Variants in ALS2CL observed in about 807,000 individuals in gnomAD.
ALS2CL encodes ALS2 C-terminal-like protein.
A neutral mutation model predicts 127.9 loss-of-function variants in ALS2CL; 112 were observed. That is an observed-to-expected ratio of 0.88 (90% CI 0.75 to 1.02). The LOEUF (loss-of-function observed/expected upper bound fraction) is 1.02, where lower values mean the gene tolerates loss of function less well. ALS2CL is among the 50% of genes least tolerant of loss of function. ALS2CL has a pLI of 0.00. For synonymous variants in ALS2CL, 519 were observed against 527.6 expected, an observed-to-expected ratio of 0.98 and a Z score of 0.22; for missense variants, 1,174 against 1,236.7, an observed-to-expected ratio of 0.95 and a Z score of 0.76.
chr3:46,675,573 G>A (rs759080538), intron 20 of ALS2CL, 45 bp downstream of exon 20: 12 of 1,586,500 alleles, frequency 7.6e-6, no homozygotes, highest in Non-Finnish European at 7.8e-6. Context: ...GACGCATGAG[G>A]CCTCCCTGGA....
In ALS2CL at chr3:46,686,410, G is replaced by A. The variant is rs199717204; in HGVS notation, c.564C>T (p.Asn188=). ...GCAGGTTCCCAAAGAGGGTGACTGC[G>A]TTCACCACCAGCTCCCGGGTTGGGT... ...EHHPTRELVV[N]AVTLFGNLQS... is the part of the protein sequence containing the mutation. Residue 188 remains asparagine, a synonymous_variant, in exon 6 of 26, where the codon AAC becomes AAT. Transcript: ENST00000318962. This position sits in a 1 kb window ranked among gnomAD's most constrained non-coding sequence, Gnocchi z 4.3. 56 of 1,613,526 alleles carry A rather than the reference G, an allele frequency of 3.5e-5. 1 individual carries two copies. The highest frequency in any genetic ancestry group is 4.2e-5 in the Non-Finnish European group (49 of 1,179,866).
intron 1 of ALS2CL, among the ~76,000 whole-genome samples, chr3:46,690,034 A>G (rs7615747): frequency 0.4 from 61,139 of 152,002 alleles, 13,555 homozygotes; most frequent in African/African-American, 0.6. Context: ...AAGAAATGAA[A>G]AGGAAGACAG....
At position 46,676,943 on chromosome 3, in the gene ALS2CL, C is replaced by T. The variant is rs202167266; in HGVS notation, c.1837G>A (p.Gly613Ser). Residue 613 changes from glycine to serine, a missense_variant, in exon 17 of 26, where the codon GGC (glycine) becomes AGC (serine). Transcript: ENST00000318962. ...YSPFRDFVCA[G>S]CPRDLQEALL... is the part of the protein sequence containing the mutation. ...GCCTCCTGCAGGTCCCTGGGGCAGC[C>T]AGCACACACAAAGTCCCGGAAGGGG... 6.2e-7 allele frequency: 1 copy of T among 1,613,728 alleles called. No individual in the cohort carries two copies. The highest frequency in any genetic ancestry group is 1.7e-5 in the Admixed American group (1 of 60,024).
intron 21 of ALS2CL, among the ~76,000 whole-genome samples, chr3:46,673,732 G>A (rs1188126365): frequency 6.6e-6 from 1 of 152,114 alleles, no homozygotes; most frequent in Non-Finnish European, 1.5e-5. Context: ...GGCTGGTGTG[G>A]GGAAGCGACA....
chr3:46,682,064 A>G lies in ALS2CL; in HGVS notation c.1140T>C (p.Asn380=). 1 of 1,613,982 alleles carries G rather than the reference A, an allele frequency of 6.2e-7. No individual in the cohort carries two copies. The highest frequency in any genetic ancestry group is 1.3e-5 in the African/African-American group (1 of 75,032). The change falls in exon 11 of 26, where the codon AAT becomes AAC. Residue 380 remains asparagine (N), a synonymous_variant. Transcript: ENST00000318962. ...KGTLKWPDGR[N]HVGNFCQGLE... ...GGCCCTGGCAGAAATTCCCCACGTG[A>G]TTCCGCCCATCCGGCCATTTCAGGG...
In ALS2CL at chr3:46,678,253, A is replaced by T. The variant is rs771142358; in HGVS notation, c.1757+6T>A. ...AGGCCCAGAGCCAGAGGGGCCAGGCACTCACCTCTTGCAGGTACTGCTCGG... is the reference window on the plus strand; with the variant it reads ...AGGCCCAGAGCCAGAGGGGCCAGGCTCTCACCTCTTGCAGGTACTGCTCGG... On this transcript the variant is annotated splice_donor_region_variant and intron_variant, in intron 16 of 25. Coordinates refer to ENST00000318962, the MANE Select transcript of ALS2CL (RefSeq NM_147129.5). The T allele has an allele frequency of 1.3e-6, 2 of 1,574,632 alleles. No individual in the cohort carries two copies. The highest frequency in any genetic ancestry group is 2.3e-5 in the South Asian group (2 of 86,776).
In ALS2CL at chr3:46,685,507, G is replaced by A; in HGVS notation, c.786+18C>T. 1 of 1,612,252 alleles carries A rather than the reference G, an allele frequency of 6.2e-7. No homozygotes were observed. Among genetic ancestry groups the A allele is most frequent in the Non-Finnish European group, 8.5e-7 (1 of 1,178,594 alleles). On this transcript the variant is annotated intron_variant, in intron 7 of 25. Coordinates refer to ENST00000318962, the MANE Select transcript of ALS2CL (RefSeq NM_147129.5). ...ACCCTACTGTGGCCTCAAGACCTTGGGTCAGCCCCACCCCAACCTGCAGCA... is the reference window on the plus strand; with the variant it reads ...ACCCTACTGTGGCCTCAAGACCTTGAGTCAGCCCCACCCCAACCTGCAGCA...
chr3:46,676,321 C>T lies in ALS2CL; in HGVS notation c.2110G>A (p.Gly704Arg), dbSNP rs565114772. The T allele has an allele frequency of 1.1e-4, 181 of 1,613,806 alleles. No homozygotes were observed. The South Asian group carries it at 1.3e-3, about 12-fold the overall frequency. Reference sequence around the variant, plus strand: ...AGCTCCTGCAGGTGCTTGTTGGCCCCGACACCTGCGTAGGTAGCCTGGAAG... The same window carrying T: ...AGCTCCTGCAGGTGCTTGTTGGCCCTGACACCTGCGTAGGTAGCCTGGAAG... ...LTFQATYAGVGANKHLQELAQ... is the reference protein window; with the variant it reads ...LTFQATYAGVRANKHLQELAQ... The change falls in exon 19 of 26, where the codon GGG (glycine) becomes AGG (arginine). Residue 704 changes from glycine (G) to arginine (R), a missense_variant. Coordinates refer to ENST00000318962, the MANE Select transcript of ALS2CL (RefSeq NM_147129.5).
rs1237426279 is a variant in ALS2CL at position 46,670,989 on chromosome 3, A to C, written c.2857T>G (p.Trp953Gly). The change falls in exon 26 of 26, where the codon TGG becomes GGG. Residue 953 changes from tryptophan (W) to glycine (G), a missense_variant. Transcript: ENST00000318962. The surrounding 1 kb of genome is among the most constrained non-coding windows in gnomAD (Gnocchi z 5.5). Reference sequence around the variant, plus strand: ...TCTGTCCAGGAAAGGCCAGGCTACCAGAGCTCCCTGGAGTGCCAGTGGCCA... The same window carrying C: ...TCTGTCCAGGAAAGGCCAGGCTACCCGAGCTCCCTGGAGTGCCAGTGGCCA... ...LPGHWHSREL[W>G] is the part of the protein sequence containing the mutation. 24 of 1,613,860 alleles carry C rather than the reference A, an allele frequency of 1.5e-5. No individual in the cohort carries two copies. Among genetic ancestry groups the C allele is most frequent in the Non-Finnish European group, 1.9e-5 (23 of 1,179,720 alleles).
chr3:46,689,074 T>C (rs897394715), intron 2 of ALS2CL, among the ~76,000 whole-genome samples: 5 of 152,112 alleles, frequency 3.3e-5, no homozygotes, highest in African/African-American at 9.7e-5. Context: ...ACTAAAAATA[T>C]GAAAATTAGC....
At chr3:46,683,008 A>T in intron 10 of ALS2CL, 122 bp downstream of exon 10, 1 of 1,057,596 alleles carries the variant, frequency 9.5e-7, no homozygotes, top group Non-Finnish European at 1.3e-6. Flanking sequence ...CTGAGAATTG[A>T]CTGTCCACAG....
intron 2 of ALS2CL, among the ~76,000 whole-genome samples, chr3:46,688,991 A>G (rs1431314740): frequency 6.6e-6 from 1 of 152,188 alleles, no homozygotes; most frequent in Non-Finnish European, 1.5e-5. Context: ...GCAATTTGAG[A>G]GGCTGAGGCG....
At chr3:46,689,274 G>T in intron 2 of ALS2CL, 64 bp downstream of exon 2, 1 of 1,528,728 alleles carries the variant, frequency 6.5e-7, no homozygotes, top group Non-Finnish European at 9.0e-7. Flanking sequence ...CAACAAGGTA[G>T]GTCTCCTGTC....
Position 46,686,408 on chromosome 3 carries a change from G to A in ALS2CL, c.566C>T (p.Ala189Val). Reference sequence around the variant, plus strand: ...CTGCAGGTTCCCAAAGAGGGTGACTGCGTTCACCACCAGCTCCCGGGTTGG... The same window carrying A: ...CTGCAGGTTCCCAAAGAGGGTGACTACGTTCACCACCAGCTCCCGGGTTGG... Reference protein sequence around the residue: ...HHPTRELVVNAVTLFGNLQSF... With the variant: ...HHPTRELVVNVVTLFGNLQSF... Residue 189 changes from alanine (A) to valine (V), a missense_variant, in exon 6 of 26, where the codon GCA (alanine) becomes GTA (valine). By Grantham distance (64) the Ala-to-Val change is moderately conservative (BLOSUM62 0). Transcript: ENST00000318962. This position sits in a 1 kb window ranked among gnomAD's most constrained non-coding sequence, Gnocchi z 4.3. 2 of 1,613,692 alleles carry A rather than the reference G, an allele frequency of 1.2e-6. No individual in the cohort carries two copies. Among genetic ancestry groups the A allele is most frequent in the Non-Finnish European group, 1.7e-6 (2 of 1,179,876 alleles).
At chr3:46,689,759 A>G (rs1221418689) in intron 1 of ALS2CL, among the ~76,000 whole-genome samples, 3 of 152,242 alleles carry the variant, frequency 2.0e-5, no homozygotes, top group Non-Finnish European at 2.9e-5. Flanking sequence ...TGGCCTGCTC[A>G]TTCCTCTGCT....
At position 46,670,973 on chromosome 3, in the gene ALS2CL, G is replaced by C; in HGVS notation, c.*11C>G. ...CTGCTCAGCTCTTCAGTCTGTCCAGGAAAGGCCAGGCTACCAGAGCTCCCT... is the reference window on the plus strand; with the variant it reads ...CTGCTCAGCTCTTCAGTCTGTCCAGCAAAGGCCAGGCTACCAGAGCTCCCT... On this transcript the variant is annotated 3_prime_UTR_variant, in exon 26 of 26. Transcript: ENST00000318962. This position sits in a 1 kb window ranked among gnomAD's most constrained non-coding sequence, Gnocchi z 5.5. 1 of 1,612,384 alleles carries C rather than the reference G, an allele frequency of 6.2e-7. No individual in the cohort carries two copies.
chr3:46,671,415 G>A, intron 25 of ALS2CL, 73 bp downstream of exon 25: 2 of 1,597,628 alleles, frequency 1.3e-6, no homozygotes, highest in East Asian at 2.3e-5. Flanking sequence ...GTGTTATGAT[G>A]TCTGGGAAGG....
intron 14 of ALS2CL, 46 bp downstream of exon 14, chr3:46,680,384 G>T: frequency 6.4e-7 from 1 of 1,553,128 alleles, no homozygotes; most frequent in Non-Finnish European, 8.8e-7. Context: ...CCCCCAGCGG[G>T]AGTGGGGTGC....
rs1699154750 is a variant in ALS2CL at position 46,679,545 on chromosome 3, T to A, written c.1549-258A>T. On this transcript the variant is annotated intron_variant, in intron 14 of 25. Transcript: ENST00000318962. ...CCTGGCTCCTCACCCCAGCGGCTTC[T>A]TCAGGAAGCCCTTGGGAGCTCAAGA... is the stretch of plus-strand genomic sequence containing the variant. 8 of 267,300 alleles carry A rather than the reference T, an allele frequency of 3.0e-5. No homozygotes were observed. In the South Asian group the frequency reaches 7.7e-4, roughly 26 times the overall value. 16.6% of individuals were successfully genotyped at this position (267,300 alleles called of 1,614,324 possible).
Sources: allele counts gnomAD v4.1 joint callset (sites outside exome capture counted in the v4.1 genomes callset), GRCh38; gene constraint gnomAD v4.1.1; non-coding constraint Gnocchi (gnomAD v3.1); transcripts MANE v1.5; gene names NCBI Gene and HGNC (gene_info 2026-07-23, HGNC 2026-07-21).